STAU2: variants seen among roughly 807,000 people sequenced by gnomAD.
The protein encoded by STAU2 is double-stranded RNA-binding protein Staufen homolog 2.
A neutral mutation model predicts 65.9 loss-of-function variants in STAU2; 20 were observed. The observed-to-expected ratio is 0.30, with a 90% CI of 0.21 to 0.44. STAU2 has a LOEUF of 0.44. Among genes scored for constraint, STAU2 ranks in the 20% least tolerant of loss-of-function variants. The pLI is 1.00. For missense variants in STAU2, 558 were observed against 683.9 expected, an observed-to-expected ratio of 0.82 and a Z score of 2.05; for synonymous variants, 232 against 233.9, an observed-to-expected ratio of 0.99 and a Z score of 0.07.
chr8:73,496,130 AC>A (rs915913999), intron 13 of STAU2, among the ~76,000 whole-genome samples: 1 of 151,506 alleles, frequency 6.6e-6, no homozygotes, highest in Non-Finnish European at 1.5e-5. Flanking sequence ...CAAAATATTA[AC>A]TATACAATTT....
upstream of STAU2, chr8:73,747,276 T>G (rs1206594207): frequency 3.8e-6 from 5 of 1,299,076 alleles, no homozygotes; most frequent in African/African-American, 7.4e-5. Flanking sequence ...CTGCCAAGGG[T>G]GGGCCTGGGG....
chr8:73,425,421 G>A (rs1186521735), intron 13 of STAU2, among the ~76,000 whole-genome samples: 1 of 152,174 alleles, frequency 6.6e-6, no homozygotes, highest in African/African-American at 2.4e-5. Context: ...GAAGTGAGGA[G>A]AGGGGCCTGG....
chr8:73,461,601 C>T (rs1819353422), intron 13 of STAU2, among the ~76,000 whole-genome samples: 2 of 151,904 alleles, frequency 1.3e-5, no homozygotes, highest in Admixed American at 1.3e-4. Flanking sequence ...GAGAGGATAC[C>T]ACTTGCATCA....
At chr8:73,462,570 AT>A (rs952510971) in intron 13 of STAU2, among the ~76,000 whole-genome samples, 2 of 151,130 alleles carry the variant, frequency 1.3e-5, no homozygotes, top group African/African-American at 2.4e-5. Flanking sequence ...TAATTTTTGT[AT>A]TTTTTTTATA....
At chr8:73,731,038 T>C (rs907607307) in intron 3 of STAU2, among the ~76,000 whole-genome samples, 5 of 152,364 alleles carry the variant, frequency 3.3e-5, no homozygotes, top group East Asian at 3.9e-4. Context: ...CAGTGCCCCA[T>C]GTATTCTACA....
chr8:73,426,623 C>T (rs1816841982), intron 13 of STAU2, among the ~76,000 whole-genome samples: 1 of 152,154 alleles, frequency 6.6e-6, no homozygotes, highest in African/African-American at 2.4e-5. Context: ...TCCACATGGC[C>T]ATAAATGACA....
At chr8:73,720,098 G>A (rs1821534921) in intron 3 of STAU2, among the ~76,000 whole-genome samples, 6 of 152,012 alleles carry the variant, frequency 3.9e-5, no homozygotes, top group Admixed American at 3.9e-4. Flanking sequence ...ACAACATGGT[G>A]AAACCTTATC....
chr8:73,576,666 T>A (rs1417464405), intron 12 of STAU2, among the ~76,000 whole-genome samples: 1 of 152,202 alleles, frequency 6.6e-6, no homozygotes, highest in Non-Finnish European at 1.5e-5. Flanking sequence ...AAGTGTTAAA[T>A]ACGTTATGCA....
chr8:73,542,628 T>C lies in STAU2; in HGVS notation c.1530+9384A>G, dbSNP rs1294955602. Among the ~76,000 whole-genome samples the C allele has an allele frequency of 2.6e-5, 4 of 152,072 alleles. No individual in the cohort carries two copies. The East Asian group carries it at 7.7e-4, about 29-fold the overall frequency. On this transcript the variant is annotated intron_variant, in intron 13 of 14. Coordinates refer to ENST00000524300, the MANE Select transcript of STAU2 (RefSeq NM_001164380.2). ...CAAAGAACTTGTGTAAATCAATAAT[T>C]ATGGGGGAAAATCCCAATTAGAAAC...
intron 5 of STAU2, among the ~76,000 whole-genome samples, chr8:73,684,541 T>A (rs575692174): frequency 6.6e-6 from 1 of 152,306 alleles, no homozygotes; most frequent in South Asian, 2.1e-4. Context: ...TTCTAGACAT[T>A]GGCTTAGGCA....
chr8:73,567,598 G>A (rs1270054779), intron 12 of STAU2, among the ~76,000 whole-genome samples: 2 of 150,586 alleles, frequency 1.3e-5, no homozygotes, highest in South Asian at 4.2e-4. Flanking sequence ...TGTGGTCCAG[G>A]CTGCAGTGGC....
intron 6 of STAU2, among the ~76,000 whole-genome samples, chr8:73,654,599 C>G (rs1816156572): frequency 8.4e-6 from 1 of 119,674 alleles, no homozygotes; most frequent in African/African-American, 3.2e-5. Flanking sequence ...GTGATCATGC[C>G]ACTGTACTCC....
intron 13 of STAU2, among the ~76,000 whole-genome samples, chr8:73,523,196 C>CAA (rs763732188): frequency 0.3 from 22,402 of 75,884 alleles, 2,458 homozygotes; most frequent in East Asian, 0.59. Flanking sequence ...ACTTTGTCTC[C>CAA]AAAAAAAAAA....
At chr8:73,555,613 T>C (rs1485579941) in intron 12 of STAU2, among the ~76,000 whole-genome samples, 2 of 151,306 alleles carry the variant, frequency 1.3e-5, no homozygotes, top group African/African-American at 4.9e-5. Flanking sequence ...TAAAAAAAAA[T>C]ACAAAATTTA....
At chr8:73,480,255 G>A (rs13268812) in intron 13 of STAU2, among the ~76,000 whole-genome samples, 92,258 of 151,980 alleles carry the variant, frequency 0.61, 28,286 homozygotes, top group Admixed American at 0.69. Context: ...TTATGCCTCT[G>A]TGGTTCTGTT....
chr8:73,640,589 ATT>A (rs542151767), intron 6 of STAU2, among the ~76,000 whole-genome samples: 240 of 152,294 alleles, frequency 1.6e-3, no homozygotes, highest in African/African-American at 5.5e-3. Flanking sequence ...CTCCAATAAA[ATT>A]TTGTTTTTAT....
intron 13 of STAU2, chr8:73,550,297 A>G (rs1807239214): frequency 1.0e-6 from 1 of 984,016 alleles, no homozygotes; most frequent in African/African-American, 1.7e-5. Flanking sequence ...TAATGAGGGA[A>G]GCAGACTCTA....
chr8:73,513,913 C>T (rs1487687644), intron 13 of STAU2, among the ~76,000 whole-genome samples: 4 of 152,074 alleles, frequency 2.6e-5, no homozygotes, highest in East Asian at 1.9e-4. Context: ...TGGGAGCACC[C>T]GCAGGCAGAA....
chr8:73,470,359 A>C (rs575491311), intron 13 of STAU2, among the ~76,000 whole-genome samples: 9 of 152,328 alleles, frequency 5.9e-5, no homozygotes, highest in Admixed American at 3.9e-4. Flanking sequence ...AGAATTAGGA[A>C]AAGCTTTAGA....
Sources: gnomAD v4.1 joint callset for allele counts (sites outside exome capture counted in the v4.1 genomes callset) on GRCh38, gnomAD v4.1.1 for gene constraint, MANE v1.5 for transcripts, NCBI Gene and HGNC (gene_info 2026-07-23, HGNC 2026-07-21) for gene names.